FNDC3A: variants seen among roughly 807,000 people sequenced by gnomAD.
FNDC3A encodes the protein fibronectin type-III domain-containing protein 3A.
In FNDC3A, 32 loss-of-function variants were observed where a neutral mutation model predicts 148.9. The observed-to-expected ratio is 0.21, with a 90% CI of 0.16 to 0.29. The LOEUF (loss-of-function observed/expected upper bound fraction) is 0.29. Among genes scored for constraint, FNDC3A ranks in the 10% least tolerant of loss-of-function variants. The pLI, the probability that FNDC3A is intolerant of heterozygous loss-of-function variation, is 1.00. For synonymous variants in FNDC3A, 472 were observed against 473.6 expected (o/e 1.00, Z 0.04); for missense variants, 1,191 against 1,452.8 (o/e 0.82, Z 2.93).
chr13:49,111,377 T>C (rs1880559403), intron 3 of FNDC3A, among the ~76,000 whole-genome samples: 2 of 152,184 alleles, frequency 1.3e-5, no homozygotes, highest in African/African-American at 4.8e-5. Flanking sequence ...GTGTTGAATG[T>C]TACTTCACAG....
chr13:49,015,259 T>C (rs1023031908), intron 2 of FNDC3A, among the ~76,000 whole-genome samples: 6 of 152,178 alleles, frequency 3.9e-5, no homozygotes, highest in Admixed American at 6.5e-5. Context: ...TTTGTTTGTA[T>C]CCTCTTTTAT....
intron 2 of FNDC3A, 25 bp downstream of exon 2, chr13:49,006,314 C>A (rs754895714): frequency 1.5e-6 from 2 of 1,351,908 alleles, no homozygotes; most frequent in Non-Finnish European, 2.1e-6. Flanking sequence ...ATGTTTATTT[C>A]TTTATGTCTA....
At chr13:49,128,466 G>T (rs117524752) in intron 4 of FNDC3A, among the ~76,000 whole-genome samples, 110 of 152,100 alleles carry the variant, frequency 7.2e-4, no homozygotes, top group Non-Finnish European at 1.4e-3. Context: ...GCAGTATTCC[G>T]GGCCTCTCTA....
At chr13:49,193,574 T>C (rs1886000198) in intron 19 of FNDC3A, among the ~76,000 whole-genome samples, 2 of 152,164 alleles carry the variant, frequency 1.3e-5, no homozygotes, top group South Asian at 2.1e-4. Flanking sequence ...TTATATATAC[T>C]TATTATTGTA....
rs562316629 is a variant in FNDC3A, at chr13:49,159,282, C to G, written c.978-7962C>G. Among the ~76,000 whole-genome samples the G allele has an allele frequency of 1.6e-4, 24 of 152,148 alleles. No individual in the cohort carries two copies. The South Asian group carries it at 1.9e-3, about 12-fold the overall frequency. On this transcript the variant is annotated intron_variant, in intron 8 of 25. Transcript: ENST00000492622. ...GAATGTTCTTCCATTTGTTTGTGTC[C>G]TCTTTTATCTCATTGAGCAGTGGTT...
intron 2 of FNDC3A, among the ~76,000 whole-genome samples, chr13:49,071,678 G>A (rs1877701758): frequency 6.7e-6 from 1 of 150,364 alleles, no homozygotes; most frequent in Non-Finnish European, 1.5e-5. Flanking sequence ...GTCTTCTTTT[G>A]AGAAATGTCT....
At chr13:49,188,420 C>A in intron 16 of FNDC3A, 95 bp from the exon 17 acceptor site, 1 of 726,376 alleles carries the variant, frequency 1.4e-6, no homozygotes, top group Non-Finnish European at 2.4e-6. Flanking sequence ...TACACAAATA[C>A]TTACTTTGTG....
intron 14 of FNDC3A, 73 bp from the exon 15 acceptor site, chr13:49,185,891 A>G (rs1051255380): frequency 8.3e-7 from 1 of 1,204,926 alleles, no homozygotes; most frequent in Non-Finnish European, 1.2e-6. Context: ...TTTGTCTCCT[A>G]TCACTTTGTT....
At position 49,096,698 on chromosome 13, in the gene FNDC3A, A is replaced by G. The variant is rs569401408; in HGVS notation, c.176-17957A>G. On this transcript the variant is annotated intron_variant, in intron 3 of 25. Coordinates refer to ENST00000492622, the MANE Select transcript of FNDC3A (RefSeq NM_001079673.2). ...TGTCCTGAGGGGCAACTCATTCTTGACAGTTATTTGAAAGACTTAGGCCTT... is the reference window on the plus strand; with the variant it reads ...TGTCCTGAGGGGCAACTCATTCTTGGCAGTTATTTGAAAGACTTAGGCCTT... Among the ~76,000 whole-genome samples the G allele has an allele frequency of 1.3e-4, 20 of 152,140 alleles. No individual in the cohort carries two copies. In the South Asian group the frequency reaches 4.1e-3, roughly 32 times the overall value.
chr13:49,100,212 A>G (rs1422995270), intron 3 of FNDC3A, among the ~76,000 whole-genome samples: 1 of 152,116 alleles, frequency 6.6e-6, no homozygotes, highest in Non-Finnish European at 1.5e-5. Flanking sequence ...TTATTTTTCG[A>G]TAGATTTTGT....
intron 13 of FNDC3A, among the ~76,000 whole-genome samples, chr13:49,176,946 A>T (rs1885061463): frequency 6.6e-6 from 1 of 152,144 alleles, no homozygotes; most frequent in African/African-American, 2.4e-5. Flanking sequence ...GACTACAGGC[A>T]CATGCCACCA....
chr13:48,998,982 C>T (rs890148571), intron 1 of FNDC3A, among the ~76,000 whole-genome samples: 4 of 152,200 alleles, frequency 2.6e-5, no homozygotes, highest in Non-Finnish European at 5.9e-5. Context: ...ACTCCAAAGG[C>T]AATTCAGAGG....
intron 17 of FNDC3A, among the ~76,000 whole-genome samples, chr13:49,188,927 A>G (rs1400554039): frequency 6.6e-6 from 1 of 152,248 alleles, no homozygotes; most frequent in Non-Finnish European, 1.5e-5. Context: ...CTCAATAACC[A>G]TACTAAGCAG....
chr13:48,986,865 T>C (rs905061240), intron 1 of FNDC3A, among the ~76,000 whole-genome samples: 1 of 152,146 alleles, frequency 6.6e-6, no homozygotes, highest in Non-Finnish European at 1.5e-5. Flanking sequence ...AATAAAGAAA[T>C]GTTACTTGAT....
At chr13:49,136,737 G>C in intron 6 of FNDC3A, 136 bp downstream of exon 6, 1 of 771,522 alleles carries the variant, frequency 1.3e-6, no homozygotes, top group Non-Finnish European at 2.0e-6. Context: ...TCGACAGTTT[G>C]GAAAGCCTCA....
chr13:49,059,446 G>A (rs1876494118), intron 2 of FNDC3A, among the ~76,000 whole-genome samples: 1 of 152,082 alleles, frequency 6.6e-6, no homozygotes, highest in Non-Finnish European at 1.5e-5. Flanking sequence ...GATAGAAACT[G>A]TTTTGTTTTT....
intron 2 of FNDC3A, among the ~76,000 whole-genome samples, chr13:49,018,431 G>T (rs1376218923): frequency 6.6e-6 from 1 of 152,000 alleles, no homozygotes; most frequent in Non-Finnish European, 1.5e-5. Context: ...CGTAGTTCTC[G>T]AGCGTTGGTT....
intron 2 of FNDC3A, among the ~76,000 whole-genome samples, chr13:49,054,461 T>G (rs1166171208): frequency 2.0e-5 from 3 of 152,208 alleles, no homozygotes; most frequent in Non-Finnish European, 2.9e-5. Flanking sequence ...TCAAACTTCA[T>G]TCAACATAAT....
chr13:49,143,882 C>T (rs1461496422), intron 7 of FNDC3A, among the ~76,000 whole-genome samples: 5 of 152,006 alleles, frequency 3.3e-5, no homozygotes, highest in African/African-American at 1.2e-4. Context: ...TAGTGACTCA[C>T]ACCTGTAATT....
Sources: gnomAD v4.1 joint callset for allele counts (sites outside exome capture counted in the v4.1 genomes callset) on GRCh38, gnomAD v4.1.1 for gene constraint, MANE v1.5 for transcripts, NCBI Gene and HGNC (gene_info 2026-07-23, HGNC 2026-07-21) for gene names.